The following DNAJB4 variants were observed in gnomAD, a reference collection of about 807,000 sequenced individuals.
DNAJB4 encodes the protein dnaJ homolog subfamily B member 4.
Under a neutral mutation model 26.6 loss-of-function variants are expected in DNAJB4, and 10 were observed. The observed-to-expected ratio is 0.38, with a 90% CI of 0.23 to 0.64. DNAJB4 has a LOEUF of 0.64. Ranked by LOEUF, DNAJB4 falls within the 30% of genes least tolerant of loss-of-function variation. The pLI, the probability that DNAJB4 is intolerant of heterozygous loss-of-function variation, is 0.58. For synonymous variants in DNAJB4, 136 were observed against 134.8 expected (o/e 1.01, Z -0.06); for missense variants, 328 against 408.2 (o/e 0.80, Z 1.69).
chr1:78,012,873 T>C (rs1660528934), intron 1 of DNAJB4, among the ~76,000 whole-genome samples, 178 bp from the exon 2 acceptor site: 1 of 152,210 alleles, frequency 6.6e-6, no homozygotes, highest in Admixed American at 6.5e-5. Context: ...ACAATTTAAC[T>C]TAGGATGTAA....
Position 78,004,980 on chromosome 1 carries a change from C to A in DNAJB4, c.-131C>A. On this transcript the variant is annotated 5_prime_UTR_variant, in exon 1 of 3. Transcript: ENST00000370763. ...ACGCTGTCTGCTTGCTGCCTTAAGA[C>A]AGCTAGCTGAATTGCTGATTAACTT... 1.1e-6 allele frequency: 1 copy of A among 905,814 alleles called. No individual in the cohort carries two copies. Among genetic ancestry groups the A allele is most frequent in the South Asian group, 1.6e-5 (1 of 61,120 alleles). The allele number at this position is 905,814 out of a possible 1,614,324, so 56.1% of individuals were successfully genotyped here.
Position 78,016,666 on chromosome 1 carries a change from A to G in DNAJB4, c.*419A>G, listed in dbSNP as rs1660650308. 6.3e-6 allele frequency: 1 copy of G among 157,660 alleles called. No individual in the cohort carries two copies. The highest frequency in any genetic ancestry group is 1.4e-5 in the Non-Finnish European group (1 of 71,888). The allele number at this position is 157,660 out of a possible 1,614,324, so 9.8% of individuals were successfully genotyped here. On this transcript the variant is annotated 3_prime_UTR_variant, in exon 3 of 3. Coordinates refer to ENST00000370763, the MANE Select transcript of DNAJB4 (RefSeq NM_007034.5). ...TACATGTAATATGTATTTCTAGAAG[A>G]GAATAAAAACCCAAGTCAGTTATTA...
intron 1 of DNAJB4, among the ~76,000 whole-genome samples, chr1:77,995,492 A>G (rs1008832282): frequency 3.3e-5 from 5 of 152,208 alleles, no homozygotes; most frequent in Non-Finnish European, 5.9e-5. Context: ...TCTGTTGCCC[A>G]GGCTTGAAGT....
upstream of DNAJB4, among the ~76,000 whole-genome samples, chr1:78,002,136 A>G (rs1217119414): frequency 6.6e-6 from 1 of 152,152 alleles, no homozygotes; most frequent in Non-Finnish European, 1.5e-5. Context: ...TTTAACCTTT[A>G]AAAAAGCTTT....
Position 78,005,161 on chromosome 1 carries a change from T to C in DNAJB4, c.51T>C (p.Asp17=). The change falls in exon 1 of 3, where the codon GAT becomes GAC. Residue 17 remains aspartate (D), a synonymous_variant. Coordinates refer to ENST00000370763, the MANE Select transcript of DNAJB4 (RefSeq NM_007034.5). ...CILGIEKGAS[D]EDIKKAYRKQ... is the part of the protein sequence containing the mutation. ...TGGGAATTGAGAAAGGAGCTTCAGA[T>C]GAAGATATTAAAAAGGCTTACCGAA... is the stretch of plus-strand genomic sequence containing the variant. The C allele has an allele frequency of 2.5e-6, 4 of 1,614,134 alleles. No homozygotes were observed. Among genetic ancestry groups the C allele is most frequent in the Non-Finnish European group, 3.4e-6 (4 of 1,179,988 alleles).
chr1:78,013,346 A>G lies in DNAJB4; in HGVS notation c.507A>G (p.Glu169=). The stretch of plus-strand genomic sequence containing the variant: ...TTCATGAACTTAGAGTATCACTTGA[A>G]GAGATATATAGTGGTTGTACCAAAC... ...PVIHELRVSL[E]EIYSGCTKRM... The change falls in exon 2 of 3, where the codon GAA becomes GAG. Residue 169 remains glutamate, a synonymous_variant. Coordinates refer to ENST00000370763, the MANE Select transcript of DNAJB4 (RefSeq NM_007034.5). The G allele has an allele frequency of 6.2e-7, 1 of 1,614,202 alleles. No homozygotes were observed. Among genetic ancestry groups the G allele is most frequent in the Admixed American group, 1.7e-5 (1 of 60,012 alleles).
intron 1 of DNAJB4, among the ~76,000 whole-genome samples, chr1:78,009,435 G>A (rs998146486): frequency 6.6e-6 from 1 of 152,200 alleles, no homozygotes; most frequent in East Asian, 1.9e-4. Flanking sequence ...CTGGTTAGTT[G>A]TAAAATAATA....
At chr1:78,013,650 C>T (rs1237384400) in intron 2 of DNAJB4, 31 bp downstream of exon 2, 1 of 1,476,650 alleles carries the variant, frequency 6.8e-7, no homozygotes, top group East Asian at 2.3e-5. Context: ...ATCCTAAGAC[C>T]AAATAATTAT....
chr1:77,998,818 G>A (rs1660125077), intron 1 of DNAJB4, among the ~76,000 whole-genome samples: 2 of 150,082 alleles, frequency 1.3e-5, no homozygotes, highest in South Asian at 2.1e-4. Flanking sequence ...CAATCAGCCT[G>A]GGCAACAGAG....
At chr1:78,011,660 T>C (rs922079349) in intron 1 of DNAJB4, among the ~76,000 whole-genome samples, 1 of 151,640 alleles carries the variant, frequency 6.6e-6, no homozygotes, top group Non-Finnish European at 1.5e-5. Flanking sequence ...AATTTTGTAT[T>C]TATAGTAGAG....
upstream of DNAJB4, among the ~76,000 whole-genome samples, chr1:78,003,000 CT>C (rs1169290180): frequency 6.6e-6 from 1 of 151,910 alleles, no homozygotes; most frequent in African/African-American, 2.4e-5. Context: ...TCCTAGCTCT[CT>C]GAAAATGATT....
intron 1 of DNAJB4, among the ~76,000 whole-genome samples, chr1:77,994,754 G>A (rs867276983): frequency 1.3e-5 from 2 of 152,244 alleles, no homozygotes; most frequent in South Asian, 4.1e-4. Flanking sequence ...CATTGTGAAA[G>A]TGTATGTCAA....
chr1:77,990,839 GGTT>G (rs1357481834), intron 1 of DNAJB4, among the ~76,000 whole-genome samples: 1 of 152,100 alleles, frequency 6.6e-6, no homozygotes, highest in African/African-American at 2.4e-5. Context: ...TCCTACTTTA[GGTT>G]CTTGTTATTT....
At chr1:78,004,648 G>A (rs997957692), upstream of DNAJB4, 2 of 157,794 alleles carry the variant, frequency 1.3e-5, no homozygotes, top group Non-Finnish European at 2.8e-5. Flanking sequence ...ACCTAGTATG[G>A]AGTACATAAA....
At chr1:78,003,716 T>G (rs1181575896), upstream of DNAJB4, among the ~76,000 whole-genome samples, 1 of 152,082 alleles carries the variant, frequency 6.6e-6, no homozygotes, top group Non-Finnish European at 1.5e-5. Context: ...AAAAGATGAG[T>G]TATATACATA....
At chr1:77,993,122 C>T (rs1480274825) in intron 1 of DNAJB4, among the ~76,000 whole-genome samples, 1 of 152,138 alleles carries the variant, frequency 6.6e-6, no homozygotes, top group African/African-American at 2.4e-5. Context: ...TTTGCTCTCC[C>T]TCCAGCGAAG....
chr1:77,986,751 A>G (rs1659801333), intron 1 of DNAJB4, among the ~76,000 whole-genome samples: 1 of 152,238 alleles, frequency 6.6e-6, no homozygotes, highest in African/African-American at 2.4e-5. Context: ...ACTTTTGACC[A>G]CAAGTAATGA....
chr1:78,006,426 A>G (rs950076008), intron 1 of DNAJB4, among the ~76,000 whole-genome samples: 2 of 152,100 alleles, frequency 1.3e-5, no homozygotes, highest in Non-Finnish European at 2.9e-5. Context: ...AGCTATGAAA[A>G]CTTGTTATCC....
chr1:78,015,188 C>G (rs763451193), intron 2 of DNAJB4, among the ~76,000 whole-genome samples: 8 of 152,176 alleles, frequency 5.3e-5, no homozygotes, highest in African/African-American at 1.7e-4. Flanking sequence ...CCCTATAAGG[C>G]TCACCATCTA....
Sources: gnomAD v4.1 joint callset for allele counts (sites outside exome capture counted in the v4.1 genomes callset) on GRCh38, gnomAD v4.1.1 for gene constraint, MANE v1.5 for transcripts, NCBI Gene and HGNC (gene_info 2026-07-23, HGNC 2026-07-21) for gene names.